SOBP: variants seen among roughly 807,000 people sequenced by gnomAD.
The protein encoded by SOBP is sine oculis-binding protein homolog.
In SOBP, 4 loss-of-function variants were observed where a neutral mutation model predicts 53.6. The ratio of observed to expected loss-of-function variants is 0.07; its 90% CI spans 0.04 to 0.17. SOBP has a LOEUF of 0.17. Among genes scored for constraint, SOBP ranks in the 10% least tolerant of loss-of-function variants. The probability of loss-of-function intolerance (pLI) is 1.00; values close to 1 mark genes in which losing one functional copy is unlikely to be tolerated. For synonymous variants in SOBP, 584 were observed against 522.6 expected, an observed-to-expected ratio of 1.12 and a Z score of -1.60; for missense variants, 1,088 against 1,204.7, an observed-to-expected ratio of 0.90 and a Z score of 1.43.
At chr6:107,617,383 AG>A (rs530162564) in intron 5 of SOBP, among the ~76,000 whole-genome samples, 23 of 152,308 alleles carry the variant, frequency 1.5e-4, no homozygotes, top group South Asian at 6.2e-4. Flanking sequence ...TGCTGAAAAA[AG>A]TGGAACCAGC....
chr6:107,626,867 G>A (rs1017657674), intron 5 of SOBP, among the ~76,000 whole-genome samples: 2 of 152,174 alleles, frequency 1.3e-5, no homozygotes, highest in Non-Finnish European at 2.9e-5. Flanking sequence ...GCTGAGCACT[G>A]AGGCTCAGAG....
intron 6 of SOBP, among the ~76,000 whole-genome samples, chr6:107,652,382 G>A (rs1038487025): frequency 2.6e-5 from 4 of 152,216 alleles, no homozygotes; most frequent in Admixed American, 1.3e-4. Flanking sequence ...GATAGAAATA[G>A]CAAGAGAATT....
chr6:107,642,140 C>T (rs1227476244), intron 6 of SOBP, among the ~76,000 whole-genome samples: 1 of 152,150 alleles, frequency 6.6e-6, no homozygotes, highest in Non-Finnish European at 1.5e-5. Context: ...CATCGTTTAA[C>T]AGGGTCCCAT....
intron 4 of SOBP, among the ~76,000 whole-genome samples, chr6:107,548,940 A>AGAAT (rs1554293874): frequency 6.6e-6 from 1 of 151,998 alleles, no homozygotes; most frequent in African/African-American, 2.4e-5. Context: ...TTATTTCTAA[A>AGAAT]AAATAAATAA....
At chr6:107,551,233 G>A (rs1784450848) in intron 4 of SOBP, among the ~76,000 whole-genome samples, 1 of 152,164 alleles carries the variant, frequency 6.6e-6, no homozygotes, top group Non-Finnish European at 1.5e-5. Context: ...TCTAAACTCA[G>A]TAACAAGAGG....
At chr6:107,534,512 GATCCAA>G (rs1434545758) in intron 4 of SOBP, among the ~76,000 whole-genome samples, 33 of 152,170 alleles carry the variant, frequency 2.2e-4, no homozygotes, top group African/African-American at 7.2e-4. Context: ...TATAATACAA[GATCCAA>G]ATCTGTTCTT....
At chr6:107,591,620 A>G (rs1785751117) in intron 5 of SOBP, among the ~76,000 whole-genome samples, 1 of 152,190 alleles carries the variant, frequency 6.6e-6, no homozygotes, top group African/African-American at 2.4e-5. Flanking sequence ...AGGTTGGCCA[A>G]GTGTAGAGTA....
chr6:107,505,214 A>T (rs906848668), intron 2 of SOBP, among the ~76,000 whole-genome samples: 1 of 152,188 alleles, frequency 6.6e-6, no homozygotes, highest in African/African-American at 2.4e-5. Context: ...ACCTAGTTAC[A>T]ATGCTGGAGG....
intron 6 of SOBP, among the ~76,000 whole-genome samples, chr6:107,637,144 A>G (rs1262782956): frequency 6.6e-6 from 1 of 152,212 alleles, no homozygotes; most frequent in African/African-American, 2.4e-5. Flanking sequence ...TAACTTCTCT[A>G]AGTGTTCAGA....
chr6:107,591,835 C>T (rs1030335045), intron 5 of SOBP, among the ~76,000 whole-genome samples: 1 of 152,162 alleles, frequency 6.6e-6, no homozygotes, highest in African/African-American at 2.4e-5. Context: ...ATGTTCCTTT[C>T]ACCTAGCTTC....
At position 107,634,828 on chromosome 6, in the gene SOBP, G is replaced by T. The variant is rs1412463552; in HGVS notation, c.1984G>T (p.Ala662Ser). Residue 662 changes from alanine to serine, a missense_variant, in exon 6 of 7, where the codon GCC (alanine) becomes TCC (serine). Transcript: ENST00000317357. The surrounding 1 kb of genome is among the most constrained non-coding windows in gnomAD (Gnocchi z 4.5). ...CATCGACCTGACCGTGGGCCACCGA[G>T]CCCGGCTGCACAACGTGATCCACCG... is the stretch of plus-strand genomic sequence containing the variant. ...GVIDLTVGHR[A>S]RLHNVIHRAL... is the part of the protein sequence containing the mutation. The T allele has an allele frequency of 1.4e-6, 2 of 1,408,682 alleles. No homozygotes were observed. Among genetic ancestry groups the T allele is most frequent in the African/African-American group, 1.5e-5 (1 of 66,870 alleles). The allele number at this position is 1,408,682 out of a possible 1,614,324, so 87.3% of individuals were successfully genotyped here.
chr6:107,647,358 A>G (rs922342946), intron 6 of SOBP, among the ~76,000 whole-genome samples: 1 of 152,200 alleles, frequency 6.6e-6, no homozygotes, highest in Non-Finnish European at 1.5e-5. Flanking sequence ...GCCTGGCTCC[A>G]GAGTTTCCAT....
chr6:107,576,755 G>A (rs1396478445), intron 4 of SOBP, among the ~76,000 whole-genome samples: 1 of 152,212 alleles, frequency 6.6e-6, no homozygotes. Context: ...CCTGGGGGAT[G>A]AGGTAAACTG....
intron 5 of SOBP, among the ~76,000 whole-genome samples, chr6:107,602,145 G>C (rs529727667): frequency 6.6e-6 from 1 of 152,086 alleles, no homozygotes; most frequent in East Asian, 1.9e-4. Flanking sequence ...TTAACTTTTT[G>C]AGTCACATCT....
At chr6:107,542,238 C>T (rs1212723131) in intron 4 of SOBP, among the ~76,000 whole-genome samples, 8 of 151,908 alleles carry the variant, frequency 5.3e-5, no homozygotes, top group Non-Finnish European at 7.4e-5. Context: ...GAGGAGGTGA[C>T]GTGTGCTGGG....
chr6:107,528,914 C>CAT (rs1783742712), intron 3 of SOBP, among the ~76,000 whole-genome samples: 1 of 152,204 alleles, frequency 6.6e-6, no homozygotes, highest in African/African-American at 2.4e-5. Context: ...AATTACTTAA[C>CAT]ATATAAACTC....
intron 4 of SOBP, among the ~76,000 whole-genome samples, chr6:107,545,177 T>A (rs1372286136): frequency 6.6e-6 from 1 of 152,162 alleles, no homozygotes; most frequent in Non-Finnish European, 1.5e-5. Flanking sequence ...ATAAGTCACT[T>A]TTTGCGGGGA....
At chr6:107,642,601 G>A (rs994444172) in intron 6 of SOBP, among the ~76,000 whole-genome samples, 4 of 152,186 alleles carry the variant, frequency 2.6e-5, no homozygotes, top group African/African-American at 9.7e-5. Flanking sequence ...GGCTTTCCAG[G>A]TAGCCAAGGG....
chr6:107,509,061 C>A (rs1176207015), intron 3 of SOBP, among the ~76,000 whole-genome samples: 2 of 152,130 alleles, frequency 1.3e-5, no homozygotes. Context: ...ATGGGGATCC[C>A]AGCCCTACCT....
Sources: gnomAD v4.1 joint callset for allele counts (sites outside exome capture counted in the v4.1 genomes callset) on GRCh38, gnomAD v4.1.1 for gene constraint, Gnocchi (gnomAD v3.1) non-coding constraint, MANE v1.5 for transcripts, NCBI Gene and HGNC (gene_info 2026-07-23, HGNC 2026-07-21) for gene names.